Variants in TDRD3 observed in about 807,000 individuals in gnomAD.
The protein encoded by TDRD3 is tudor domain-containing protein 3.
A neutral mutation model predicts 86.7 loss-of-function variants in TDRD3; 45 were observed. That is an observed-to-expected ratio of 0.52 (90% CI 0.41 to 0.67). The LOEUF (loss-of-function observed/expected upper bound fraction) is 0.67, where lower values mean the gene tolerates loss of function less well. Ranked by LOEUF, TDRD3 falls within the 30% of genes least tolerant of loss-of-function variation. TDRD3 has a pLI of 0.00. For missense variants in TDRD3, 814 were observed against 889.0 expected (o/e 0.92, Z 1.07); for synonymous variants, 298 against 301.7 (o/e 0.99, Z 0.13).
intron 12 of TDRD3, among the ~76,000 whole-genome samples, chr13:60,549,972 C>T (rs1438782845): frequency 2.0e-5 from 3 of 151,914 alleles, no homozygotes; most frequent in Non-Finnish European, 4.4e-5. Context: ...TTGTAAACTA[C>T]CATATAATAA....
At chr13:60,450,689 G>A (rs1955516091) in intron 3 of TDRD3, among the ~76,000 whole-genome samples, 1 of 152,256 alleles carries the variant, frequency 6.6e-6, no homozygotes, top group Non-Finnish European at 1.5e-5. Flanking sequence ...AGATAGGGAT[G>A]TAGAGATCAA....
chr13:60,461,511 C>T (rs1406839621), intron 4 of TDRD3, among the ~76,000 whole-genome samples: 2 of 152,158 alleles, frequency 1.3e-5, no homozygotes, highest in Admixed American at 6.6e-5. Flanking sequence ...CCTCCTCCCA[C>T]CTGCCTTTTT....
intron 12 of TDRD3, among the ~76,000 whole-genome samples, chr13:60,550,127 G>A (rs7981035): frequency 0.65 from 98,219 of 151,878 alleles, 33,047 homozygotes; most frequent in African/African-American, 0.81. Context: ...AGCTTAGAAA[G>A]ATAGTCTGTT....
At chr13:60,437,773 G>A (rs1294454979) in intron 1 of TDRD3, among the ~76,000 whole-genome samples, 3 of 151,942 alleles carry the variant, frequency 2.0e-5, no homozygotes, top group African/African-American at 7.3e-5. Context: ...CTGTGTTTTT[G>A]TAATCACTCA....
chr13:60,481,262 A>G (rs1184830618), intron 5 of TDRD3, among the ~76,000 whole-genome samples: 2 of 150,660 alleles, frequency 1.3e-5, no homozygotes, highest in East Asian at 3.9e-4. Context: ...AACTTTTTTG[A>G]TCTATGAGTT....
At chr13:60,492,269 T>C (rs962625229) in intron 7 of TDRD3, among the ~76,000 whole-genome samples, 1 of 152,202 alleles carries the variant, frequency 6.6e-6, no homozygotes, top group African/African-American at 2.4e-5. Flanking sequence ...TTTGGAAATA[T>C]ATTTAATTTG....
At chr13:60,522,900 G>A (rs974693989) in intron 10 of TDRD3, among the ~76,000 whole-genome samples, 3 of 151,976 alleles carry the variant, frequency 2.0e-5, no homozygotes, top group African/African-American at 7.3e-5. Flanking sequence ...CCTCTGGGTG[G>A]GCAGCTTGGC....
intron 7 of TDRD3, among the ~76,000 whole-genome samples, chr13:60,486,162 C>A (rs1287145382): frequency 6.6e-6 from 1 of 152,064 alleles, no homozygotes; most frequent in Non-Finnish European, 1.5e-5. Flanking sequence ...CATGGTAGTT[C>A]CAGTAAGTTA....
chr13:60,445,214 T>A (rs1001315837), intron 3 of TDRD3, among the ~76,000 whole-genome samples: 1 of 152,226 alleles, frequency 6.6e-6, no homozygotes, highest in Non-Finnish European at 1.5e-5. Context: ...TACACACATA[T>A]GTATTCGTGT....
Position 60,555,848 on chromosome 13 carries a change from C to CTTTTT in TDRD3, c.2119-11674_2119-11673insTTTTT, listed in dbSNP as rs770710929. Reference sequence around the variant, plus strand: ...GGTAGGAAAAAAAACCAACCTATTTCTTTCTTTTTTTTTTTTTTTTGAGAT... The same window carrying CTTTTT: ...GGTAGGAAAAAAAACCAACCTATTTCTTTTTTTTCTTTTTTTTTTTTTTTTGAGAT... On this transcript the variant is annotated intron_variant, in intron 12 of 13. Coordinates refer to ENST00000377881, the MANE Select transcript of TDRD3 (RefSeq NM_001146070.2). 1.5e-4 allele frequency among the ~76,000 whole-genome samples: 21 copies of CTTTTT among 136,138 alleles called. 2 individuals carry two copies. Among genetic ancestry groups the CTTTTT allele is most frequent in the African/African-American group, 2.8e-4 (10 of 36,318 alleles). 89.3% of individuals were successfully genotyped at this position (136,138 alleles called of 152,430 possible).
In TDRD3 at chr13:60,413,044, A is replaced by T. The variant is rs1204837848; in HGVS notation, c.41+15639A>T. ...TCCCTGCAGTATCCCTGTACTCCCAATTTTTTTTTTTTTTGCCTAAGTACC... is the reference window on the plus strand; with the variant it reads ...TCCCTGCAGTATCCCTGTACTCCCATTTTTTTTTTTTTTTGCCTAAGTACC... On this transcript the variant is annotated intron_variant, in intron 1 of 13. Coordinates refer to ENST00000377881, the MANE Select transcript of TDRD3 (RefSeq NM_001146070.2). Among the ~76,000 whole-genome samples, 74 of 141,580 alleles carry T rather than the reference A, an allele frequency of 5.2e-4. 1 individual carries two copies. Among genetic ancestry groups the T allele is most frequent in the Non-Finnish European group, 9.9e-4 (64 of 64,366 alleles). 92.9% of individuals were successfully genotyped at this position (141,580 alleles called of 152,430 possible).
intron 12 of TDRD3, among the ~76,000 whole-genome samples, chr13:60,540,000 T>A (rs910760850): frequency 6.6e-6 from 1 of 152,172 alleles, no homozygotes; most frequent in Non-Finnish European, 1.5e-5. Context: ...ATTAGAATTA[T>A]GTAACAGTGT....
intron 3 of TDRD3, among the ~76,000 whole-genome samples, chr13:60,452,679 C>G (rs1955577074): frequency 6.6e-6 from 1 of 151,870 alleles, no homozygotes; most frequent in South Asian, 2.1e-4. Context: ...TATGGATATC[C>G]CACATTTTGT....
intron 12 of TDRD3, among the ~76,000 whole-genome samples, chr13:60,556,532 GA>G (rs1958188910): frequency 6.6e-6 from 1 of 152,156 alleles, no homozygotes; most frequent in Admixed American, 6.5e-5. Flanking sequence ...ATAGATCTGG[GA>G]ATAGATTGTA....
intron 12 of TDRD3, among the ~76,000 whole-genome samples, chr13:60,565,309 C>T (rs1474344773): frequency 6.6e-6 from 1 of 151,504 alleles, no homozygotes; most frequent in Non-Finnish European, 1.5e-5. Flanking sequence ...CCCGCCTCGG[C>T]CTCCCAAAGT....
At chr13:60,501,043 C>A (rs1323991411) in intron 8 of TDRD3, among the ~76,000 whole-genome samples, 1 of 152,158 alleles carries the variant, frequency 6.6e-6, no homozygotes, top group East Asian at 1.9e-4. Context: ...AGTGACTATT[C>A]CTTGGGGTGA....
intron 1 of TDRD3, among the ~76,000 whole-genome samples, chr13:60,438,731 G>GA (rs753247875): frequency 7.0e-4 from 107 of 152,202 alleles, no homozygotes; most frequent in Non-Finnish European, 1.1e-3. Context: ...TCAGTCTAGT[G>GA]TTGAGAGTTG....
intron 1 of TDRD3, among the ~76,000 whole-genome samples, chr13:60,437,908 T>C (rs551865216): frequency 7.2e-5 from 11 of 152,290 alleles, no homozygotes; most frequent in Admixed American, 3.9e-4. Flanking sequence ...ATATTATTCC[T>C]AGAAGGTGCT....
intron 3 of TDRD3, among the ~76,000 whole-genome samples, chr13:60,455,848 A>C (rs1302292709): frequency 1.3e-5 from 2 of 152,094 alleles, no homozygotes; most frequent in East Asian, 3.9e-4. Flanking sequence ...TGGGTGGATC[A>C]CCTGAGGTCC....
Sources: gnomAD v4.1 joint callset for allele counts (sites outside exome capture counted in the v4.1 genomes callset) on GRCh38, gnomAD v4.1.1 for gene constraint, MANE v1.5 for transcripts, NCBI Gene and HGNC (gene_info 2026-07-23, HGNC 2026-07-21) for gene names.